The following EIF3F variants were observed in gnomAD, a reference collection of about 807,000 sequenced individuals.
The protein encoded by EIF3F is deubiquitinating enzyme eIF3f.
In EIF3F, 8 loss-of-function variants were observed where a neutral mutation model predicts 36.0. The observed-to-expected ratio is 0.22, with a 90% CI of 0.13 to 0.40. The LOEUF is 0.40. EIF3F is among the 10% of genes least tolerant of loss of function. EIF3F has a pLI of 1.00. For missense variants in EIF3F, 430 were observed against 467.6 expected, an observed-to-expected ratio of 0.92 and a Z score of 0.74; for synonymous variants, 184 against 188.5, an observed-to-expected ratio of 0.98 and a Z score of 0.19.
rs576957971 is a variant in EIF3F, at chr11:8,001,231, T to C, written c.*5209T>C. 6.6e-6 allele frequency: 1 copy of C among 152,312 alleles called. No homozygotes were observed. The highest frequency in any genetic ancestry group is 1.9e-4 in the East Asian group (1 of 5,184). The allele number at this position is 152,312 out of a possible 1,614,324, so 9.4% of individuals were successfully genotyped here. ...CGCAAATTTTAAAAGTTGCTAACACTGGAATGGCCAGAGTAAGAGGAAACG... is the reference window on the plus strand; with the variant it reads ...CGCAAATTTTAAAAGTTGCTAACACCGGAATGGCCAGAGTAAGAGGAAACG... On this transcript the variant is annotated 3_prime_UTR_variant, in exon 8 of 8. Coordinates refer to ENST00000651655, the MANE Select transcript of EIF3F (RefSeq NM_003754.3).
At position 7,998,044 on chromosome 11, in the gene EIF3F, G is replaced by T. The variant is rs1190250652; in HGVS notation, c.*2022G>T. The stretch of plus-strand genomic sequence containing the variant: ...TCAGAGGATTTTTATATCCAAGGAA[G>T]GTTCTGGAACCAATCCTCCACGGAT... On this transcript the variant is annotated 3_prime_UTR_variant, in exon 8 of 8. Coordinates refer to ENST00000651655, the MANE Select transcript of EIF3F (RefSeq NM_003754.3). The T allele has an allele frequency of 6.6e-6, 1 of 152,164 alleles. No individual in the cohort carries two copies. Among genetic ancestry groups the T allele is most frequent in the Non-Finnish European group, 1.5e-5 (1 of 68,038 alleles). The allele number at this position is 152,164 out of a possible 1,614,324, so 9.4% of individuals were successfully genotyped here.
Position 7,995,160 on chromosome 11 carries a change from T to C in EIF3F, c.882+42T>C. The C allele has an allele frequency of 1.9e-6, 3 of 1,610,244 alleles. No homozygotes were observed. The South Asian group carries it at 3.3e-5, about 18-fold the overall frequency. On this transcript the variant is annotated intron_variant, in intron 6 of 7. Coordinates refer to ENST00000651655, the MANE Select transcript of EIF3F (RefSeq NM_003754.3). Reference sequence around the variant, plus strand: ...AAAACAAAGGGGGAGGACATAGTTCTCTATCCTGGGATCACTGAGGCATGT... The same window carrying C: ...AAAACAAAGGGGGAGGACATAGTTCCCTATCCTGGGATCACTGAGGCATGT...
Position 7,987,623 on chromosome 11 carries a change from G to T in EIF3F, c.271G>T (p.Val91Leu). The T allele has an allele frequency of 1.3e-6, 2 of 1,581,490 alleles. No homozygotes were observed. The highest frequency in any genetic ancestry group is 1.1e-5 in the South Asian group (1 of 87,008). Residue 91 changes from valine (V) to leucine (L), a missense_variant, in exon 1 of 8, where the codon GTG becomes TTG. Physicochemically the swap from Val to Leu is conservative, Grantham distance 32 (BLOSUM62 1). This residue lies in a region of EIF3F where 262 missense variants were observed against 347.4 expected (regional missense o/e 0.75). Transcript: ENST00000651655. Reference sequence around the variant, plus strand: ...TCCAGGGCCCTTCCCCGGCGGCCGCGTGGTCAGGCTGCACCCAGTCATTTT... The same window carrying T: ...TCCAGGGCCCTTCCCCGGCGGCCGCTTGGTCAGGCTGCACCCAGTCATTTT... Reference protein sequence around the residue: ...ALPGPFPGGRVVRLHPVILAS... With the variant: ...ALPGPFPGGRLVRLHPVILAS...
Position 7,996,411 on chromosome 11 carries a change from A to G in EIF3F, c.*389A>G, listed in dbSNP as rs2133675693. On this transcript the variant is annotated 3_prime_UTR_variant, in exon 8 of 8. Transcript: ENST00000651655. ...AAATAAGAATCCATGGAGAAAAAATAGCTAAGAAAATTGGATGCTTAATCT... is the reference window on the plus strand; with the variant it reads ...AAATAAGAATCCATGGAGAAAAAATGGCTAAGAAAATTGGATGCTTAATCT... 2 of 176,712 alleles carry G rather than the reference A, an allele frequency of 1.1e-5. 1 individual carries two copies. Among genetic ancestry groups the G allele is most frequent in the South Asian group, 2.7e-4 (2 of 7,448 alleles). The allele number at this position is 176,712 out of a possible 1,614,324, so 10.9% of individuals were successfully genotyped here.
Position 7,994,950 on chromosome 11 carries a change from G to C in EIF3F, c.746-32G>C, listed in dbSNP as rs1193859995. The C allele has an allele frequency of 3.1e-6, 5 of 1,608,918 alleles. No homozygotes were observed. In the East Asian group the frequency reaches 8.9e-5, roughly 29 times the overall value. ...ATTCTCTCTCTTACTGCCCACCACTGCCGCTGCCACCCTGCCAACCAACTT... is the reference window on the plus strand; with the variant it reads ...ATTCTCTCTCTTACTGCCCACCACTCCCGCTGCCACCCTGCCAACCAACTT... On this transcript the variant is annotated intron_variant, in intron 5 of 7. Transcript: ENST00000651655.
rs531864067 is a variant in EIF3F, at chr11:7,998,191, G to A, written c.*2169G>A. On this transcript the variant is annotated 3_prime_UTR_variant, in exon 8 of 8. Transcript: ENST00000651655. ...GAGAGTACTGAACCATTATTCCCAA[G>A]GGAAATACAGGGTTGGGTTCCTATG... The A allele has an allele frequency of 6.6e-6, 1 of 152,268 alleles. No homozygotes were observed. Among genetic ancestry groups the A allele is most frequent in the South Asian group, 2.1e-4 (1 of 4,828 alleles). The allele number at this position is 152,268 out of a possible 1,614,324, so 9.4% of individuals were successfully genotyped here. A position where few individuals can be genotyped will look rare whatever the true frequency, so the allele number is the denominator to read the frequency against.
intron 3 of EIF3F, chr11:7,992,647 C>T (rs544382757): frequency 1.8e-6 from 1 of 544,978 alleles, no homozygotes; most frequent in African/African-American, 1.9e-5. Flanking sequence ...TGGTTCTGAT[C>T]CTGTGGGGCC....
At chr11:7,987,754 C>T (rs768135072) in intron 1 of EIF3F, 38 bp downstream of exon 1, 3 of 1,458,226 alleles carry the variant, frequency 2.1e-6, no homozygotes, top group African/African-American at 2.9e-5. Flanking sequence ...TTTTCTTCCT[C>T]CCACTTCTCA....
chr11:7,987,360 C>G lies in EIF3F; in HGVS notation c.8C>G (p.Thr3Arg). Residue 3 changes from threonine to arginine, a missense_variant, in exon 1 of 8, where the codon ACA (threonine) becomes AGA (arginine). Thr to Arg is a moderately conservative substitution (Grantham distance 71). Transcript: ENST00000651655. MA[T>R]PAVPVSAPPA... ...TCCTTCTTTCTCGACAAGATGGCCA[C>G]ACCGGCGGTACCAGTAAGTGCTCCT... 1 of 1,593,366 alleles carries G rather than the reference C, an allele frequency of 6.3e-7. No individual in the cohort carries two copies. Among genetic ancestry groups the G allele is most frequent in the African/African-American group, 1.3e-5 (1 of 74,746 alleles).
At position 7,997,101 on chromosome 11, in the gene EIF3F, G is replaced by C. The variant is rs1942169333; in HGVS notation, c.*1079G>C. The C allele has an allele frequency of 6.6e-6, 1 of 152,198 alleles. No homozygotes were observed. Among genetic ancestry groups the C allele is most frequent in the Non-Finnish European group, 1.5e-5 (1 of 68,042 alleles). The allele number at this position is 152,198 out of a possible 1,614,324, so 9.4% of individuals were successfully genotyped here. A position where few individuals can be genotyped will look rare whatever the true frequency, so the allele number is the denominator to read the frequency against. ...AACATGAACCCCAGCCTGGAACTCA[G>C]TTCTGAGATATGTACCTCAGGAAAT... On this transcript the variant is annotated 3_prime_UTR_variant, in exon 8 of 8. Coordinates refer to ENST00000651655, the MANE Select transcript of EIF3F (RefSeq NM_003754.3).
chr11:7,990,080 A>C (rs1292655989), intron 1 of EIF3F, among the ~76,000 whole-genome samples: 5 of 152,226 alleles, frequency 3.3e-5, no homozygotes, highest in Non-Finnish European at 5.9e-5. Context: ...GATAGGAAAT[A>C]AAGTTGACAG....
chr11:7,994,951 C>T, intron 5 of EIF3F, 31 bp from the exon 6 acceptor site: 1 of 1,608,978 alleles, frequency 6.2e-7, no homozygotes, highest in Non-Finnish European at 8.5e-7. Flanking sequence ...CCCACCACTG[C>T]CGCTGCCACC....
Position 8,000,639 on chromosome 11 carries a change from AC to A in EIF3F, c.*4618del, listed in dbSNP as rs1942210717. 1 of 152,208 alleles carries A rather than the reference AC, an allele frequency of 6.6e-6. No homozygotes were observed. Among genetic ancestry groups the A allele is most frequent in the African/African-American group, 2.4e-5 (1 of 41,462 alleles). The allele number at this position is 152,208 out of a possible 1,614,324, so 9.4% of individuals were successfully genotyped here. On this transcript the variant is annotated 3_prime_UTR_variant, in exon 8 of 8. Transcript: ENST00000651655. ...AAACATCACATTGTACAAAATACAT[AC>A]AGTTTTTGTCAATTTAAAGATATCA... is the stretch of plus-strand genomic sequence containing the variant.
intron 1 of EIF3F, among the ~76,000 whole-genome samples, chr11:7,990,896 T>A (rs1020131220): frequency 5.4e-5 from 7 of 130,350 alleles, no homozygotes; most frequent in Non-Finnish European, 1.0e-4. Flanking sequence ...AATAAATAAA[T>A]AAATAAAAGA....
rs373753162 is a variant in EIF3F, at chr11:7,992,290, CTG to C, written c.515+130_515+131del. ...AAGAGTATTGCAAGTGTATTACTGA[CTG>C]TGAGCAGTGGCTCAATGCCTGTAAT... On this transcript the variant is annotated intron_variant, in intron 3 of 7. Transcript: ENST00000651655. 94 of 837,280 alleles carry C rather than the reference CTG, an allele frequency of 1.1e-4. No individual in the cohort carries two copies. In the African/African-American group the frequency reaches 1.4e-3, roughly 13 times the overall value. 51.9% of individuals were successfully genotyped at this position (837,280 alleles called of 1,614,324 possible).
rs1434820056 is a variant in EIF3F, at chr11:7,999,880, CCAAGA to C, written c.*3861_*3865del. The stretch of plus-strand genomic sequence containing the variant: ...TTCACTGAAGCATTGTTCACAATCG[CCAAGA>C]CATCAACCTAAGTGTCCATCAACAG... On this transcript the variant is annotated 3_prime_UTR_variant, in exon 8 of 8. Coordinates refer to ENST00000651655, the MANE Select transcript of EIF3F (RefSeq NM_003754.3). 1 of 152,226 alleles carries C rather than the reference CCAAGA, an allele frequency of 6.6e-6. No homozygotes were observed. Among genetic ancestry groups the C allele is most frequent in the East Asian group, 1.9e-4 (1 of 5,200 alleles). The allele number at this position is 152,226 out of a possible 1,614,324, so 9.4% of individuals were successfully genotyped here. A position where few individuals can be genotyped will look rare whatever the true frequency, so the allele number is the denominator to read the frequency against.
chr11:7,987,909 C>T (rs751322219), intron 1 of EIF3F, 193 bp downstream of exon 1: 3 of 791,106 alleles, frequency 3.8e-6, no homozygotes, highest in Non-Finnish European at 5.3e-6. Context: ...TCTCTCCTCT[C>T]TCTCCTGCCG....
At chr11:7,993,121 C>G in intron 4 of EIF3F, 97 bp downstream of exon 4, 1 of 1,393,546 alleles carries the variant, frequency 7.2e-7, no homozygotes, top group Non-Finnish European at 9.6e-7. Flanking sequence ...GTGTAACTTG[C>G]TGTGTCCTTA....
In EIF3F at chr11:7,987,383, C is replaced by T. The variant is rs770848871; in HGVS notation, c.31C>T (p.Pro11Ser). 5 of 1,598,480 alleles carry T rather than the reference C, an allele frequency of 3.1e-6. No individual in the cohort carries two copies. Among genetic ancestry groups the T allele is most frequent in the African/African-American group, 2.7e-5 (2 of 74,836 alleles). The change falls in exon 1 of 8, where the codon CCT (proline) becomes TCT (serine). Residue 11 changes from proline (P) to serine (S), a missense_variant. Physicochemically the swap from Pro to Ser is moderately conservative, Grantham distance 74 (BLOSUM62 -1). Coordinates refer to ENST00000651655, the MANE Select transcript of EIF3F (RefSeq NM_003754.3). MATPAVPVSAPPATPTPVPAA... is the reference protein window; with the variant it reads MATPAVPVSASPATPTPVPAA... ...CACACCGGCGGTACCAGTAAGTGCT[C>T]CTCCGGCCACGCCAACCCCAGTCCC... is the stretch of plus-strand genomic sequence containing the variant.
Sources: allele counts gnomAD v4.1 joint callset (sites outside exome capture counted in the v4.1 genomes callset), GRCh38; gene constraint gnomAD v4.1.1; regional missense constraint gnomAD v4.1.1; transcripts MANE v1.5; gene names NCBI Gene and HGNC (gene_info 2026-07-23, HGNC 2026-07-21).